The following TENM2 variants were observed in gnomAD, a reference collection of about 807,000 sequenced individuals.
TENM2 encodes teneurin-2.
TENM2 carries 52 observed loss-of-function variants against 245.2 expected under a neutral mutation model. That is an observed-to-expected ratio of 0.21 (90% confidence interval 0.17 to 0.27). The LOEUF (loss-of-function observed/expected upper bound fraction) is 0.27, where lower values mean the gene tolerates loss of function less well. TENM2 is among the 10% of genes least tolerant of loss of function. The pLI, the probability that TENM2 is intolerant of heterozygous loss-of-function variation, is 1.00. For missense variants in TENM2, 3,046 were observed against 3,666.8 expected (o/e 0.83, Z 4.37); for synonymous variants, 1,363 against 1,438.9 (o/e 0.95, Z 1.19).
In TENM2 at chr5:168,247,727, A is replaced by G. The variant is rs778816823; in HGVS notation, c.6788A>G (p.Lys2263Arg). ...ACCAGACTCGGGGATGTGCAGTACA[A>G]AATTGACGACGATGGCTATCTGTGC... The change falls in exon 27 of 29, where the codon AAA (lysine) becomes AGA (arginine). Residue 2263 changes from lysine (K) to arginine (R), a missense_variant. Around this residue, in one of 2 missense-constraint regions of TENM2, gnomAD observed 2,704 missense variants for 3,331.9 expected, o/e 0.81. Coordinates refer to ENST00000518659, the Ensembl canonical transcript of TENM2. This position sits in a 1 kb window ranked among gnomAD's most constrained non-coding sequence, Gnocchi z 7.8. The G allele has an allele frequency of 5.0e-6, 8 of 1,613,784 alleles. No homozygotes were observed. Among genetic ancestry groups the G allele is most frequent in the African/African-American group, 1.3e-5 (1 of 74,930 alleles).
intron 2 of TENM2, among the ~76,000 whole-genome samples, chr5:167,726,584 A>G (rs1760023407): frequency 6.6e-6 from 1 of 152,038 alleles, no homozygotes; most frequent in African/African-American, 2.4e-5. Flanking sequence ...TCAGCCTGCC[A>G]AGTAGCTGGG....
intron 2 of TENM2, among the ~76,000 whole-genome samples, chr5:167,670,950 A>C (rs975694962): frequency 6.6e-6 from 1 of 152,124 alleles, no homozygotes; most frequent in Non-Finnish European, 1.5e-5. Context: ...TATCCCAAGT[A>C]TGTAGTTTAT....
At chr5:168,002,297 G>T (rs1200779381) in intron 5 of TENM2, among the ~76,000 whole-genome samples, 1 of 152,152 alleles carries the variant, frequency 6.6e-6, no homozygotes, top group Non-Finnish European at 1.5e-5. Context: ...CTCCCCTAGG[G>T]ACTCTGTCTT....
intron 2 of TENM2, among the ~76,000 whole-genome samples, chr5:167,461,794 G>A (rs1056864409): frequency 1.3e-5 from 2 of 152,054 alleles, no homozygotes; most frequent in Admixed American, 6.6e-5. Context: ...ACTATTTCTG[G>A]TAACATGATT....
the TENM2 span, among the ~76,000 whole-genome samples, chr5:167,241,542 C>T: frequency 2.6e-5 from 4 of 152,100 alleles, no homozygotes; most frequent in East Asian, 3.9e-4. Flanking sequence ...GAATCACGTA[C>T]GATATAATCA....
chr5:167,070,284 A>ATTTTTTTTTTTTTTTT, the TENM2 span, among the ~76,000 whole-genome samples: 39 of 99,338 alleles, frequency 3.9e-4, 2 homozygotes, highest in African/African-American at 1.7e-3. Context: ...CGCCCGGCTA[A>ATTTTTTTTTTTTTTTT]TTTTTTTTTT....
At chr5:167,872,157 G>A (rs1772878868) in intron 2 of TENM2, among the ~76,000 whole-genome samples, 1 of 151,782 alleles carries the variant, frequency 6.6e-6, no homozygotes, top group South Asian at 2.1e-4. Flanking sequence ...ACCAGGCATA[G>A]TGGCTTGCAT....
intron 5 of TENM2, among the ~76,000 whole-genome samples, chr5:168,008,902 C>A (rs1785020594): frequency 6.6e-6 from 1 of 152,168 alleles, no homozygotes; most frequent in Admixed American, 6.5e-5. Context: ...CTCAGTAAAT[C>A]TCTGCACGGT....
intron 13 of TENM2, chr5:168,187,512 GT>G (rs1760577374): frequency 6.6e-6 from 1 of 152,182 alleles, no homozygotes; most frequent in African/African-American, 2.4e-5. Flanking sequence ...GAAATCTATA[GT>G]GCTAACAGCA....
chr5:167,075,956 A>T, the TENM2 span, among the ~76,000 whole-genome samples: 1 of 152,158 alleles, frequency 6.6e-6, no homozygotes, highest in Non-Finnish European at 1.5e-5. Context: ...GGGCTTTATA[A>T]ACATAAGCCA....
At chr5:167,575,317 A>G (rs1275756576) in intron 2 of TENM2, among the ~76,000 whole-genome samples, 1 of 152,174 alleles carries the variant, frequency 6.6e-6, no homozygotes, top group Non-Finnish European at 1.5e-5. Flanking sequence ...CTGGAATGAT[A>G]TATACAAGGG....
chr5:168,026,264 CCACCTAAA>C (rs1786621685), intron 5 of TENM2, among the ~76,000 whole-genome samples: 1 of 152,092 alleles, frequency 6.6e-6, no homozygotes, highest in Admixed American at 6.6e-5. Context: ...GAAGCAGTGT[CCACCTAAA>C]CATTTATTCA....
At chr5:167,365,746 A>T (rs918683309) in intron 1 of TENM2, among the ~76,000 whole-genome samples, 1 of 152,044 alleles carries the variant, frequency 6.6e-6, no homozygotes, top group Non-Finnish European at 1.5e-5. Flanking sequence ...CTAAGCTTAC[A>T]ACAGGTACCT....
chr5:167,614,314 T>A (rs1238536279), intron 2 of TENM2, among the ~76,000 whole-genome samples: 23 of 152,136 alleles, frequency 1.5e-4, no homozygotes, highest in Non-Finnish European at 1.5e-5. Flanking sequence ...GTGGATTATT[T>A]TGTCACCCTA....
At chr5:167,432,979 C>G (rs1484908644) in intron 2 of TENM2, among the ~76,000 whole-genome samples, 2 of 152,090 alleles carry the variant, frequency 1.3e-5, no homozygotes, top group African/African-American at 4.8e-5. Context: ...TAAGGAAAAT[C>G]TGAGAATTTA....
chr5:167,024,279 C>CA, the TENM2 span, among the ~76,000 whole-genome samples: 1 of 152,130 alleles, frequency 6.6e-6, no homozygotes, highest in Non-Finnish European at 1.5e-5. Context: ...ATTGTGCTTA[C>CA]AATTTGTTGT....
At chr5:167,115,868 G>A in the TENM2 span, among the ~76,000 whole-genome samples, 2 of 152,264 alleles carry the variant, frequency 1.3e-5, no homozygotes, top group East Asian at 3.9e-4. Flanking sequence ...TGGGTCTATA[G>A]TATCAGACCC....
At position 167,749,224 on chromosome 5, in the gene TENM2, C is replaced by T. The variant is rs144379452; in HGVS notation, c.503-126762C>T. Among the ~76,000 whole-genome samples, 5 of 152,022 alleles carry T rather than the reference C, an allele frequency of 3.3e-5. No individual in the cohort carries two copies. The East Asian group carries it at 5.8e-4, about 18-fold the overall frequency. Reference sequence around the variant, plus strand: ...ACTATACAAGGCATTATACTAAGAACGGATATGAACAGAGAGATTAAATAA... The same window carrying T: ...ACTATACAAGGCATTATACTAAGAATGGATATGAACAGAGAGATTAAATAA... On this transcript the variant is annotated intron_variant, in intron 2 of 28. Coordinates refer to ENST00000518659, the Ensembl canonical transcript of TENM2.
At chr5:167,961,971 A>G (rs1781044969) in intron 4 of TENM2, among the ~76,000 whole-genome samples, 1 of 152,244 alleles carries the variant, frequency 6.6e-6, no homozygotes. Context: ...CACGAAACAC[A>G]TAAACATATC....
Sources: allele counts gnomAD v4.1 joint callset (sites outside exome capture counted in the v4.1 genomes callset), GRCh38; gene constraint gnomAD v4.1.1; regional missense constraint gnomAD v4.1.1; non-coding constraint Gnocchi (gnomAD v3.1); transcripts MANE v1.5; gene names NCBI Gene and HGNC (gene_info 2026-07-23, HGNC 2026-07-21).